Variants in ALDH3A2 observed in about 807,000 individuals in gnomAD.
The protein encoded by ALDH3A2 is aldehyde dehydrogenase family 3 member A2.
In ALDH3A2, 36 loss-of-function variants were observed where a neutral mutation model predicts 51.3. The ratio of observed to expected loss-of-function variants is 0.70; its 90% CI spans 0.54 to 0.93. The LOEUF is 0.93. Ranked by LOEUF, ALDH3A2 falls within the 40% of genes least tolerant of loss-of-function variation. ALDH3A2 has a pLI of 0.00. For missense variants in ALDH3A2, 552 were observed against 603.1 expected, an observed-to-expected ratio of 0.92 and a Z score of 0.89; for synonymous variants, 199 against 219.8, an observed-to-expected ratio of 0.91 and a Z score of 0.84.
At position 19,649,106 on chromosome 17, in the gene ALDH3A2, C is replaced by T. The variant is rs1318133607; in HGVS notation, c.135C>T (p.Ile45=). 3 of 1,575,142 alleles carry T rather than the reference C, an allele frequency of 1.9e-6. No homozygotes were observed. Among genetic ancestry groups the T allele is most frequent in the South Asian group, 2.3e-5 (2 of 85,956 alleles). The change falls in exon 1 of 10, where the codon ATC becomes ATT. Residue 45 remains isoleucine (I), a synonymous_variant. Transcript: ENST00000176643. The stretch of plus-strand genomic sequence containing the variant: ...GCGAGAAGGATATCCTGACGGCCAT[C>T]GCCGCCGACCTGTGCAAGGTACGCA... ...QEREKDILTA[I]AADLCKSEFN...
At position 19,675,859 on chromosome 17, in the gene ALDH3A2, G is replaced by A. The variant is rs2085180437; in HGVS notation, c.*287G>A. 1.8e-5 allele frequency: 8 copies of A among 455,326 alleles called. No individual in the cohort carries two copies. Among genetic ancestry groups the A allele is most frequent in the Non-Finnish European group, 3.2e-5 (8 of 248,736 alleles). The allele number at this position is 455,326 out of a possible 1,614,324, so 28.2% of individuals were successfully genotyped here. A position where few individuals can be genotyped will look rare whatever the true frequency, so the allele number is the denominator to read the frequency against. ...GAATGTATTAGACTAAATACAAACT[G>A]CGGGGTTGTAAGGGAGTCTCAGAAC... On this transcript the variant is annotated 3_prime_UTR_variant, in exon 10 of 10. Coordinates refer to ENST00000176643, the MANE Select transcript of ALDH3A2 (RefSeq NM_000382.3).
chr17:19,675,208 T>G (rs1041120890), intron 9 of ALDH3A2: 1 of 247,246 alleles, frequency 4.0e-6, no homozygotes, highest in Non-Finnish European at 7.7e-6. Flanking sequence ...TTGAATTCCA[T>G]GTAGAGACTT....
Position 19,664,941 on chromosome 17 carries a change from T to C in ALDH3A2, c.1108-7T>C. The C allele has an allele frequency of 6.2e-7, 1 of 1,612,244 alleles. No homozygotes were observed. Among genetic ancestry groups the C allele is most frequent in the African/African-American group, 1.3e-5 (1 of 75,012 alleles). On this transcript the variant is annotated splice_region_variant and splice_polypyrimidine_tract_variant and intron_variant, in intron 7 of 9. Coordinates refer to ENST00000176643, the MANE Select transcript of ALDH3A2 (RefSeq NM_000382.3). ...CACTGACCTGGACACCTTTGGTCTG[T>C]CCTCAGCTCATCAAACGGATGATTG...
intron 1 of ALDH3A2, chr17:19,649,422 T>C (rs900229050): frequency 2.7e-6 from 1 of 367,384 alleles, no homozygotes; most frequent in African/African-American, 2.1e-5. Flanking sequence ...TCTTTGTATA[T>C]TCTGGATTTA....
chr17:19,668,514 C>A (rs1442322848), intron 8 of ALDH3A2, among the ~76,000 whole-genome samples: 1 of 152,152 alleles, frequency 6.6e-6, no homozygotes, highest in East Asian at 1.9e-4. Context: ...TCCCAAAGTG[C>A]TGGGATTACA....
At chr17:19,651,215 C>T (rs906584637) in intron 1 of ALDH3A2, among the ~76,000 whole-genome samples, 10 of 152,092 alleles carry the variant, frequency 6.6e-5, no homozygotes, top group African/African-American at 2.2e-4. Flanking sequence ...CAGAGCAGAC[C>T]TTTATTGCTC....
At chr17:19,668,035 A>G (rs750262521) in intron 8 of ALDH3A2, among the ~76,000 whole-genome samples, 1 of 152,092 alleles carries the variant, frequency 6.6e-6, no homozygotes, top group Non-Finnish European at 1.5e-5. Context: ...TCTCATTTCA[A>G]TTTGTACTCC....
At chr17:19,673,897 C>T (rs1373363946) in intron 9 of ALDH3A2, among the ~76,000 whole-genome samples, 1 of 152,138 alleles carries the variant, frequency 6.6e-6, no homozygotes, top group Non-Finnish European at 1.5e-5. Context: ...CCAGGTGAAG[C>T]ATACATCATT....
chr17:19,661,101 T>G, intron 5 of ALDH3A2, 26 bp from the exon 6 acceptor site: 1 of 1,602,610 alleles, frequency 6.2e-7, no homozygotes, highest in Non-Finnish European at 8.5e-7. Flanking sequence ...TTTGTGACAT[T>G]TATATACTCC....
chr17:19,649,279 G>A (rs1460692091), intron 1 of ALDH3A2, 155 bp downstream of exon 1: 5 of 1,066,502 alleles, frequency 4.7e-6, no homozygotes, highest in Non-Finnish European at 6.6e-6. Flanking sequence ...CAAAGTTCCC[G>A]CAGACTTTCC....
intron 3 of ALDH3A2, 88 bp from the exon 4 acceptor site, chr17:19,656,278 T>C: frequency 8.4e-7 from 1 of 1,186,998 alleles, no homozygotes; most frequent in Non-Finnish European, 1.2e-6. Flanking sequence ...TTTTACTGAA[T>C]GTTACATGTT....
intron 3 of ALDH3A2, among the ~76,000 whole-genome samples, chr17:19,653,333 C>T (rs1470170455): frequency 6.6e-6 from 1 of 152,128 alleles, no homozygotes; most frequent in Non-Finnish European, 1.5e-5. Context: ...GTGTGAGCCA[C>T]CATGCCCATG....
chr17:19,653,010 C>A (rs539512797), intron 3 of ALDH3A2, among the ~76,000 whole-genome samples: 1 of 150,744 alleles, frequency 6.6e-6, no homozygotes, highest in African/African-American at 2.4e-5. Context: ...CTCTTTTGTT[C>A]TAACAAAATG....
chr17:19,671,226 G>A (rs1434473989), intron 8 of ALDH3A2, among the ~76,000 whole-genome samples: 2 of 152,182 alleles, frequency 1.3e-5, no homozygotes, highest in Non-Finnish European at 2.9e-5. Flanking sequence ...GGGTGTGTGG[G>A]GCCATGGATG....
rs1347527864 is a variant in ALDH3A2, at chr17:19,676,265, C to G, written c.*693C>G. ...AAGCATCTTGTAAATCCTAGGGCTTCCTGGAAGTTAGTTGCCAAAGTCATG... is the reference window on the plus strand; with the variant it reads ...AAGCATCTTGTAAATCCTAGGGCTTGCTGGAAGTTAGTTGCCAAAGTCATG... On this transcript the variant is annotated 3_prime_UTR_variant, in exon 10 of 10. Transcript: ENST00000176643. The G allele has an allele frequency of 6.6e-6, 1 of 152,274 alleles. No individual in the cohort carries two copies. The allele number at this position is 152,274 out of a possible 1,614,324, so 9.4% of individuals were successfully genotyped here. A position where few individuals can be genotyped will look rare whatever the true frequency, so the allele number is the denominator to read the frequency against.
rs527539310 is a variant in ALDH3A2 at position 19,655,179 on chromosome 17, G to A, written c.472-1187G>A. The A allele has an allele frequency of 2.6e-5, 4 of 152,264 alleles. No individual in the cohort carries two copies. In the East Asian group the frequency reaches 7.7e-4, roughly 29 times the overall value. 9.4% of individuals were successfully genotyped at this position (152,264 alleles called of 1,614,324 possible). A position where few individuals can be genotyped will look rare whatever the true frequency, so the allele number is the denominator to read the frequency against. ...GAGGAGTCTTCATTTAGCTTTAAGC[G>A]AAATACAGCTTAAAAATATCTTACC... On this transcript the variant is annotated intron_variant, in intron 3 of 9. Transcript: ENST00000176643.
At chr17:19,672,853 C>G (rs1238476094) in intron 9 of ALDH3A2, among the ~76,000 whole-genome samples, 1 of 151,884 alleles carries the variant, frequency 6.6e-6, no homozygotes, top group African/African-American at 2.4e-5. Context: ...CCAGCCTGAC[C>G]AATATGGTGA....
intron 5 of ALDH3A2, among the ~76,000 whole-genome samples, chr17:19,660,596 T>C (rs1187446270): frequency 1.3e-5 from 2 of 152,240 alleles, no homozygotes; most frequent in East Asian, 1.9e-4. Flanking sequence ...TTCACCATCA[T>C]GTGTAAGTGG....
chr17:19,668,383 G>T (rs1174255054), intron 8 of ALDH3A2, among the ~76,000 whole-genome samples: 1 of 152,022 alleles, frequency 6.6e-6, no homozygotes, highest in Non-Finnish European at 1.5e-5. Context: ...AAGTAGCTGG[G>T]ATTACAGGCA....
Sources: gnomAD v4.1 joint callset for allele counts (sites outside exome capture counted in the v4.1 genomes callset) on GRCh38, gnomAD v4.1.1 for gene constraint, MANE v1.5 for transcripts, NCBI Gene and HGNC (gene_info 2026-07-23, HGNC 2026-07-21) for gene names.